ARHGEF28: variants seen among roughly 807,000 people sequenced by gnomAD.
ARHGEF28 encodes the protein Rho guanine nucleotide exchange factor 28, also known as 190 kDa guanine nucleotide exchange factor.
A neutral mutation model predicts 206.6 loss-of-function variants in ARHGEF28; 152 were observed. The ratio of observed to expected loss-of-function variants is 0.74; its 90% CI spans 0.64 to 0.84. The LOEUF is 0.84. Among genes scored for constraint, ARHGEF28 ranks in the 40% least tolerant of loss-of-function variants. ARHGEF28 has a pLI of 0.00. For synonymous variants in ARHGEF28, 763 were observed against 776.4 expected (o/e 0.98, Z 0.29); for missense variants, 2,028 against 2,073.2 (o/e 0.98, Z 0.42).
intron 5 of ARHGEF28, 67 bp downstream of exon 5, chr5:73,774,105 G>T: frequency 7.1e-7 from 1 of 1,405,462 alleles, no homozygotes; most frequent in African/African-American, 1.4e-5. Context: ...ATAGAAAAAT[G>T]GAAATAACCA....
chr5:73,855,238 C>G lies in ARHGEF28; in HGVS notation c.1791-2418C>G, dbSNP rs566314313. 2.7e-4 allele frequency among the ~76,000 whole-genome samples: 41 copies of G among 152,198 alleles called. 1 individual carries two copies. The highest frequency in any genetic ancestry group is 3.4e-3 in the Middle Eastern group (1 of 294). ...TAAATTAGATATGAAATGAAGCAACCAACCTTCTACATTTGCCCAGAGGTT... is the reference window on the plus strand; with the variant it reads ...TAAATTAGATATGAAATGAAGCAACGAACCTTCTACATTTGCCCAGAGGTT... On this transcript the variant is annotated intron_variant, in intron 14 of 35. Coordinates refer to ENST00000513042, the MANE Select transcript of ARHGEF28 (RefSeq NM_001177693.2).
intron 4 of ARHGEF28, among the ~76,000 whole-genome samples, chr5:73,770,611 G>T (rs1753171244): frequency 6.6e-6 from 1 of 152,146 alleles, no homozygotes; most frequent in African/African-American, 2.4e-5. Context: ...TTTGCTGGCT[G>T]CCGTTAAGAA....
At chr5:73,660,404 C>T (rs1389491457) in intron 1 of ARHGEF28, among the ~76,000 whole-genome samples, 1 of 152,174 alleles carries the variant, frequency 6.6e-6, no homozygotes, top group Non-Finnish European at 1.5e-5. Context: ...ACCCCTCAAA[C>T]CCTCATCCAC....
chr5:73,868,293 G>A, intron 20 of ARHGEF28, 66 bp downstream of exon 20: 1 of 1,479,206 alleles, frequency 6.8e-7, no homozygotes, highest in South Asian at 1.4e-5. Context: ...GACACTGTCT[G>A]AAGGAAATAA....
intron 2 of ARHGEF28, among the ~76,000 whole-genome samples, chr5:73,713,656 G>A (rs1435816484): frequency 3.3e-5 from 5 of 152,096 alleles, no homozygotes; most frequent in African/African-American, 1.2e-4. Flanking sequence ...TTGGTGGGGG[G>A]AGGGTAAGCG....
At chr5:73,913,463 A>G (rs532174729) in intron 35 of ARHGEF28, among the ~76,000 whole-genome samples, 14 of 152,380 alleles carry the variant, frequency 9.2e-5, no homozygotes, top group African/African-American at 3.1e-4. Flanking sequence ...GGTCAAGGCT[A>G]GATAAAATTA....
Position 73,794,416 on chromosome 5 carries a change from G to A in ARHGEF28, c.925G>A (p.Val309Met), listed in dbSNP as rs1443949714. Residue 309 changes from valine (V) to methionine (M), a missense_variant, in exon 8 of 36, where the codon GTG becomes ATG. Physicochemically the swap from Val to Met is conservative, Grantham distance 21. Coordinates refer to ENST00000513042, the MANE Select transcript of ARHGEF28 (RefSeq NM_001177693.2). ...AETEEEIKNSVSSRSAAEKED... is the reference protein window; with the variant it reads ...AETEEEIKNSMSSRSAAEKED... ...TTCTTTTGCAGAGATTAAGAATTCA[G>A]TGTCCAGCAGATCAGCAGCTGAAAA... 2 of 1,602,816 alleles carry A rather than the reference G, an allele frequency of 1.2e-6. No individual in the cohort carries two copies. Among genetic ancestry groups the A allele is most frequent in the East Asian group, 2.2e-5 (1 of 44,680 alleles).
intron 31 of ARHGEF28, 191 bp from the exon 32 acceptor site, chr5:73,904,031 C>T (rs967167612): frequency 3.4e-6 from 2 of 594,250 alleles, no homozygotes; most frequent in African/African-American, 1.9e-5. Context: ...GTGAAGGACG[C>T]TCTTGTTGTC....
At chr5:73,668,997 C>T (rs1330488235) in intron 1 of ARHGEF28, among the ~76,000 whole-genome samples, 1 of 152,172 alleles carries the variant, frequency 6.6e-6, no homozygotes, top group Non-Finnish European at 1.5e-5. Flanking sequence ...TTCTCACAAC[C>T]TTAAACTAAA....
At chr5:73,632,950 A>C (rs933237623) in intron 1 of ARHGEF28, among the ~76,000 whole-genome samples, 4 of 151,926 alleles carry the variant, frequency 2.6e-5, no homozygotes, top group Non-Finnish European at 5.9e-5. Flanking sequence ...AATACAACTC[A>C]CCATAATGTA....
At chr5:73,787,090 A>G (rs2112472436) in intron 7 of ARHGEF28, among the ~76,000 whole-genome samples, 1 of 152,292 alleles carries the variant, frequency 6.6e-6, no homozygotes, top group African/African-American at 2.4e-5. Context: ...TTCATTTGAG[A>G]CACTCTAGCT....
At chr5:73,746,217 C>T (rs909029066) in intron 2 of ARHGEF28, among the ~76,000 whole-genome samples, 4 of 152,000 alleles carry the variant, frequency 2.6e-5, no homozygotes, top group African/African-American at 7.2e-5. Flanking sequence ...ATAAAAATTA[C>T]TTAAAATGTT....
intron 7 of ARHGEF28, among the ~76,000 whole-genome samples, chr5:73,792,509 A>T (rs1754538012): frequency 6.6e-6 from 1 of 152,316 alleles, no homozygotes; most frequent in African/African-American, 2.4e-5. Flanking sequence ...CAATATAATG[A>T]TCATTTAAGA....
At chr5:73,727,271 A>G (rs544957166) in intron 2 of ARHGEF28, among the ~76,000 whole-genome samples, 186 of 152,336 alleles carry the variant, frequency 1.2e-3, no homozygotes, top group African/African-American at 4.2e-3. Flanking sequence ...ATAAAGAAAC[A>G]TTTTAAAAGT....
chr5:73,816,559 A>G (rs1258474466), intron 9 of ARHGEF28, among the ~76,000 whole-genome samples: 1 of 152,224 alleles, frequency 6.6e-6, no homozygotes, highest in Non-Finnish European at 1.5e-5. Context: ...GAACACATAT[A>G]TGTTACTGGC....
chr5:73,909,992 AT>A (rs1762797468), intron 34 of ARHGEF28, 95 bp downstream of exon 34: 3 of 1,406,016 alleles, frequency 2.1e-6, no homozygotes, highest in Admixed American at 6.1e-5. Context: ...GTCATTTTGG[AT>A]TTGTGTAAGA....
At chr5:73,738,997 A>G (rs1290242925) in intron 2 of ARHGEF28, among the ~76,000 whole-genome samples, 2 of 152,218 alleles carry the variant, frequency 1.3e-5, no homozygotes, top group Non-Finnish European at 2.9e-5. Flanking sequence ...AAGGGCTTAG[A>G]GGAATATTTT....
chr5:73,751,452 T>A (rs139188914), intron 3 of ARHGEF28, among the ~76,000 whole-genome samples: 1 of 152,236 alleles, frequency 6.6e-6, no homozygotes. Flanking sequence ...TAACGGCACA[T>A]AGTTACTTCA....
intron 16 of ARHGEF28, among the ~76,000 whole-genome samples, chr5:73,859,592 A>G (rs1759263803): frequency 6.6e-6 from 1 of 152,188 alleles, no homozygotes; most frequent in South Asian, 2.1e-4. Flanking sequence ...GCTTTCCTTG[A>G]AAACTTGATT....
Sources: allele counts gnomAD v4.1 joint callset (sites outside exome capture counted in the v4.1 genomes callset), GRCh38; gene constraint gnomAD v4.1.1; transcripts MANE v1.5; gene names NCBI Gene and HGNC (gene_info 2026-07-23, HGNC 2026-07-21).